Variants in RAB14 observed in about 807,000 individuals in gnomAD.
The protein encoded by RAB14 is RAB14, member RAS oncogene family, also known as ras-related protein Rab-14.
RAB14 carries 3 observed loss-of-function variants against 31.1 expected under a neutral mutation model. The observed-to-expected ratio is 0.10, with a 90% CI of 0.04 to 0.25. RAB14 has a LOEUF of 0.25. Among genes scored for constraint, RAB14 ranks in the 10% least tolerant of loss-of-function variants. RAB14 has a pLI of 1.00. For missense variants in RAB14, 111 were observed against 260.1 expected (o/e 0.43, Z 3.94); for synonymous variants, 85 against 84.9 (o/e 1.00, Z 0.00).
At chr9:121,196,521 A>G (rs1476270244) in intron 1 of RAB14, among the ~76,000 whole-genome samples, 4 of 152,136 alleles carry the variant, frequency 2.6e-5, no homozygotes, top group Non-Finnish European at 5.9e-5. Context: ...CATTTTACAG[A>G]TGAGGACACA....
rs2132019521 is a variant in RAB14 at position 121,179,537 on chromosome 9, CCAG to C, written c.*1856_*1858del. ...TTGTTTTTGTAAATATACACACACA[CCAG>C]CAGGTCATGGTCCCTGGGTGAGTCC... On this transcript the variant is annotated 3_prime_UTR_variant, in exon 8 of 8. Transcript: ENST00000373840. 6.5e-6 allele frequency: 1 copy of C among 152,738 alleles called. No individual in the cohort carries two copies. Among genetic ancestry groups the C allele is most frequent in the Non-Finnish European group, 1.5e-5 (1 of 68,030 alleles). 9.5% of individuals were successfully genotyped at this position (152,738 alleles called of 1,614,324 possible).
chr9:121,198,957 T>C (rs1434420881), intron 1 of RAB14, among the ~76,000 whole-genome samples: 1 of 152,224 alleles, frequency 6.6e-6, no homozygotes, highest in Non-Finnish European at 1.5e-5. Flanking sequence ...AACCTTACTT[T>C]TGACAATATA....
intron 4 of RAB14, among the ~76,000 whole-genome samples, chr9:121,188,228 CTG>C (rs1324632209): frequency 6.6e-6 from 1 of 151,942 alleles, no homozygotes; most frequent in African/African-American, 2.4e-5. Context: ...CAAGCCTTAT[CTG>C]TGTTTGATAT....
At chr9:121,196,366 C>T (rs761072015) in intron 1 of RAB14, among the ~76,000 whole-genome samples, 1 of 152,132 alleles carries the variant, frequency 6.6e-6, no homozygotes, top group Non-Finnish European at 1.5e-5. Flanking sequence ...AACACATAAT[C>T]AACAATTTGC....
chr9:121,194,637 T>A (rs577036466), intron 1 of RAB14, among the ~76,000 whole-genome samples: 34 of 152,064 alleles, frequency 2.2e-4, no homozygotes, highest in African/African-American at 7.5e-4. Context: ...TGACTTACAG[T>A]ATTTTTAAGC....
chr9:121,183,062 C>A, intron 6 of RAB14, 102 bp from the exon 7 acceptor site: 1 of 1,086,336 alleles, frequency 9.2e-7, no homozygotes, highest in South Asian at 1.4e-5. Context: ...TTTTAGTACT[C>A]CTCCCATAGT....
chr9:121,198,356 T>C (rs746216790), intron 1 of RAB14, among the ~76,000 whole-genome samples: 1 of 152,174 alleles, frequency 6.6e-6, no homozygotes, highest in Non-Finnish European at 1.5e-5. Context: ...GGGTTCAAAA[T>C]AGAAAAACCA....
chr9:121,191,401 A>C (rs868555856), intron 3 of RAB14, among the ~76,000 whole-genome samples: 49 of 152,120 alleles, frequency 3.2e-4, no homozygotes, highest in Admixed American at 2.3e-3. Flanking sequence ...GCAGTAGCAC[A>C]AGCATAGCTC....
chr9:121,194,889 C>G (rs552094347), intron 1 of RAB14, among the ~76,000 whole-genome samples: 1 of 152,186 alleles, frequency 6.6e-6, no homozygotes, highest in East Asian at 1.9e-4. Context: ...AGTCTTCTCA[C>G]TTAGCTATCT....
chr9:121,198,588 G>A (rs977078852), intron 1 of RAB14, among the ~76,000 whole-genome samples: 8 of 152,116 alleles, frequency 5.3e-5, no homozygotes, highest in African/African-American at 1.4e-4. Context: ...CCACTGATAA[G>A]TTTTTTGTTT....
At position 121,180,027 on chromosome 9, in the gene RAB14, T is replaced by C. The variant is rs1435923785; in HGVS notation, c.*1369A>G. On this transcript the variant is annotated 3_prime_UTR_variant, in exon 8 of 8. Coordinates refer to ENST00000373840, the MANE Select transcript of RAB14 (RefSeq NM_016322.4). ...TGTTTCTCTTGCTATACAGTATTAA[T>C]TCAGTGGCCAAACCACCTGGTGCAA... 6.6e-6 allele frequency: 1 copy of C among 152,642 alleles called. No individual in the cohort carries two copies. Among genetic ancestry groups the C allele is most frequent in the East Asian group, 1.9e-4 (1 of 5,202 alleles). The allele number at this position is 152,642 out of a possible 1,614,324, so 9.5% of individuals were successfully genotyped here.
chr9:121,184,301 C>CCTA (rs1444163455), intron 5 of RAB14, among the ~76,000 whole-genome samples: 1 of 152,152 alleles, frequency 6.6e-6, no homozygotes, highest in Non-Finnish European at 1.5e-5. Context: ...CACCCACCAA[C>CCTA]CTATATCCAC....
chr9:121,194,530 T>C (rs1015162916), intron 1 of RAB14, among the ~76,000 whole-genome samples: 1 of 152,194 alleles, frequency 6.6e-6, no homozygotes, highest in African/African-American at 2.4e-5. Context: ...ACTGTAAAAC[T>C]GGTAATAACT....
At chr9:121,189,746 A>C (rs2053676678) in intron 4 of RAB14, among the ~76,000 whole-genome samples, 1 of 152,162 alleles carries the variant, frequency 6.6e-6, no homozygotes, top group African/African-American at 2.4e-5. Flanking sequence ...ATTTTCCGAA[A>C]GGAAATATGC....
At chr9:121,190,322 T>C (rs1247540278) in intron 4 of RAB14, among the ~76,000 whole-genome samples, 2 of 152,124 alleles carry the variant, frequency 1.3e-5, no homozygotes, top group Non-Finnish European at 2.9e-5. Flanking sequence ...TATTCTTCTA[T>C]TAGCTTCACC....
At chr9:121,184,315 G>A (rs1205871995) in intron 5 of RAB14, among the ~76,000 whole-genome samples, 4 of 152,104 alleles carry the variant, frequency 2.6e-5, no homozygotes, top group Admixed American at 2.6e-4. Flanking sequence ...TATCCACCTT[G>A]GAACCATTCA....
chr9:121,184,439 G>C (rs1268700792), intron 5 of RAB14, among the ~76,000 whole-genome samples: 1 of 152,100 alleles, frequency 6.6e-6, no homozygotes, highest in Non-Finnish European at 1.5e-5. Flanking sequence ...GGGGAGGGGG[G>C]TTATGGATAA....
intron 5 of RAB14, 68 bp from the exon 6 acceptor site, chr9:121,183,466 T>C (rs1245005684): frequency 2.4e-6 from 3 of 1,252,708 alleles, no homozygotes; most frequent in Admixed American, 2.1e-5. Flanking sequence ...ATGCAAATTC[T>C]GAAATCCAAA....
chr9:121,186,915 C>A (rs955301824), intron 5 of RAB14, 38 bp downstream of exon 5: 1 of 1,440,204 alleles, frequency 6.9e-7, no homozygotes, highest in South Asian at 1.5e-5. Flanking sequence ...TAGCTTAGTT[C>A]TTAAATTTTC....
Sources: gnomAD v4.1 joint callset for allele counts (sites outside exome capture counted in the v4.1 genomes callset) on GRCh38, gnomAD v4.1.1 for gene constraint, MANE v1.5 for transcripts, NCBI Gene and HGNC (gene_info 2026-07-23, HGNC 2026-07-21) for gene names.